Variants in ABCC9 observed in about 807,000 individuals in gnomAD.
ABCC9 encodes ATP-binding cassette sub-family C member 9.
A neutral mutation model predicts 188.3 loss-of-function variants in ABCC9; 95 were observed. The observed-to-expected ratio is 0.50, with a 90% CI of 0.43 to 0.60. The LOEUF (loss-of-function observed/expected upper bound fraction) is 0.60. ABCC9 is among the 20% of genes least tolerant of loss of function. The pLI is 0.00. For missense variants in ABCC9, 1,102 were observed against 1,876.3 expected (o/e 0.59, Z 7.62); for synonymous variants, 659 against 652.7 (o/e 1.01, Z -0.15).
At chr12:21,830,214 A>G (rs547648261) in intron 30 of ABCC9, among the ~76,000 whole-genome samples, 1 of 152,348 alleles carries the variant, frequency 6.6e-6, no homozygotes, top group East Asian at 1.9e-4. Flanking sequence ...TCTCAAAGAA[A>G]TTCATGTTAC....
At position 21,861,241 on chromosome 12, in the gene ABCC9, T is replaced by TA. The variant is rs111258434; in HGVS notation, c.2340-187_2340-186insT. On this transcript the variant is annotated intron_variant, in intron 20 of 39. Transcript: ENST00000261200. ...TACTACTTCCCCCCCCTTTTTTTTTTTTTTTTGAAGACAGAGTCTTACTCT... is the reference window on the plus strand; with the variant it reads ...TACTACTTCCCCCCCCTTTTTTTTTTATTTTTTGAAGACAGAGTCTTACTCT... Among the ~76,000 whole-genome samples, 290 of 150,734 alleles carry TA rather than the reference T, an allele frequency of 1.9e-3. 2 individuals carry two copies. The highest frequency in any genetic ancestry group is 6.7e-3 in the African/African-American group (277 of 41,046).
At chr12:21,874,233 G>A (rs1946224909) in intron 17 of ABCC9, among the ~76,000 whole-genome samples, 1 of 152,008 alleles carries the variant, frequency 6.6e-6, no homozygotes, top group South Asian at 2.1e-4. Context: ...AGTACAAATG[G>A]CCACCAGGTA....
At chr12:21,858,987 A>C (rs1424311415) in intron 22 of ABCC9, among the ~76,000 whole-genome samples, 8 of 152,200 alleles carry the variant, frequency 5.3e-5, no homozygotes, top group Admixed American at 5.2e-4. Flanking sequence ...ATAACCGTCA[A>C]ATTTTATTTC....
At chr12:21,910,388 A>ATC in intron 9 of ABCC9, 76 bp from the exon 10 acceptor site, 1 of 1,400,288 alleles carries the variant, frequency 7.1e-7, no homozygotes, top group Non-Finnish European at 9.7e-7. Context: ...ACTGAAAATA[A>ATC]ATAACAAACA....
At chr12:21,835,366 C>T (rs1026638014) in intron 30 of ABCC9, among the ~76,000 whole-genome samples, 2 of 152,182 alleles carry the variant, frequency 1.3e-5, no homozygotes, top group African/African-American at 4.8e-5. Flanking sequence ...AATGCAAACA[C>T]ACAAACAGTT....
chr12:21,811,181 A>ACTC (rs1942211296), intron 36 of ABCC9, among the ~76,000 whole-genome samples: 1 of 150,576 alleles, frequency 6.6e-6, no homozygotes, highest in Non-Finnish European at 1.5e-5. Flanking sequence ...TTCCCCCTTC[A>ACTC]CTCTCCCTCT....
chr12:21,895,923 GT>G (rs1947381282), intron 12 of ABCC9, among the ~76,000 whole-genome samples: 1 of 152,026 alleles, frequency 6.6e-6, no homozygotes, highest in South Asian at 2.1e-4. Context: ...AAATACTAGT[GT>G]TTGGAAGTAA....
chr12:21,810,002 A>T (rs1942119367), intron 36 of ABCC9, 47 bp from the exon 37 acceptor site: 1 of 1,147,916 alleles, frequency 8.7e-7, no homozygotes, highest in Non-Finnish European at 1.3e-6. Context: ...AAATATAGAA[A>T]CTTTTATGTA....
chr12:21,843,265 A>G (rs908523901), intron 28 of ABCC9, among the ~76,000 whole-genome samples: 7 of 152,194 alleles, frequency 4.6e-5, no homozygotes, highest in Non-Finnish European at 8.8e-5. Context: ...AATTATCCCA[A>G]TATCCTTTAT....
intron 5 of ABCC9, among the ~76,000 whole-genome samples, chr12:21,917,973 A>C (rs1948667516): frequency 6.6e-6 from 1 of 152,138 alleles, no homozygotes; most frequent in African/African-American, 2.4e-5. Flanking sequence ...GATCATTGGC[A>C]TATGAACTCA....
intron 5 of ABCC9, among the ~76,000 whole-genome samples, chr12:21,919,338 G>C (rs980123298): frequency 6.6e-6 from 1 of 151,706 alleles, no homozygotes; most frequent in Admixed American, 6.6e-5. Context: ...GAATGAAAGA[G>C]GCACTATCCC....
At position 21,845,767 on chromosome 12, in the gene ABCC9, G is replaced by T. The variant is rs376874273; in HGVS notation, c.2932C>A (p.Pro978Thr). The T allele has an allele frequency of 6.0e-5, 97 of 1,613,708 alleles. No homozygotes were observed. Among genetic ancestry groups the T allele is most frequent in the Non-Finnish European group, 7.6e-5 (90 of 1,179,844 alleles). Residue 978 changes from proline to threonine, a missense_variant, in exon 26 of 40, where the codon CCA (proline) becomes ACA (threonine). Physicochemically the swap from Pro to Thr is conservative, Grantham distance 38. This residue lies in a region of ABCC9 where 131 missense variants were observed against 170.2 expected (regional missense o/e 0.77). Transcript: ENST00000261200. ...AGGTAGCGCCAGCAGGTTTTCCATG[G>T]CATTTTAGTCCTGAGCCTCATTACA... ...STVMRLRTKM[P>T]WKTCWRYLTS...
chr12:21,805,874 G>T, intron 39 of ABCC9, 124 bp downstream of exon 39: 1 of 981,506 alleles, frequency 1.0e-6, no homozygotes, highest in Non-Finnish European at 1.6e-6. Flanking sequence ...TTTTTGCACA[G>T]ATACAGAAAC....
intron 36 of ABCC9, 90 bp downstream of exon 36, chr12:21,811,959 C>T (rs555481863): frequency 2.2e-6 from 2 of 901,514 alleles, no homozygotes; most frequent in East Asian, 2.4e-5. Flanking sequence ...TCAGTTCACT[C>T]ATACCTGAAA....
intron 22 of ABCC9, among the ~76,000 whole-genome samples, chr12:21,857,892 A>T (rs1307398655): frequency 2.0e-5 from 3 of 152,202 alleles, no homozygotes; most frequent in Non-Finnish European, 4.4e-5. Flanking sequence ...TGCATTGATT[A>T]AGTCACCAAT....
rs763346044 is a variant in ABCC9 at position 21,908,191 on chromosome 12, C to T, written c.1341G>A (p.Leu447=). The T allele has an allele frequency of 2.5e-6, 4 of 1,612,340 alleles. No homozygotes were observed. In the South Asian group the frequency reaches 3.3e-5, roughly 13 times the overall value. ...CACTTGATCCAAGTAAATTATAGAG[C>T]AGAATCACGCCCATTATGATCTAGA... The part of the protein sequence containing the change: ...MPVQIIMGVI[L]LYNLLGSSAL... The change falls in exon 11 of 40, where the codon CTG becomes CTA. Residue 447 remains leucine (L), a synonymous_variant. Transcript: ENST00000261200.
At chr12:21,841,342 GTTTCCTTTTTTTTTTTTT>G (rs1044702755) in intron 29 of ABCC9, among the ~76,000 whole-genome samples, 3 of 115,188 alleles carry the variant, frequency 2.6e-5, no homozygotes, top group African/African-American at 6.6e-5. Context: ...TATGTTTCTG[GTTTCCTTTTTTTTTTTTT>G]TTTTTTTTTT....
chr12:21,926,826 G>T (rs982652989), intron 4 of ABCC9, among the ~76,000 whole-genome samples: 5 of 152,192 alleles, frequency 3.3e-5, no homozygotes, highest in Non-Finnish European at 7.4e-5. Context: ...CACTCTGAAG[G>T]CAACAGAGAT....
intron 30 of ABCC9, among the ~76,000 whole-genome samples, chr12:21,829,292 C>T (rs886981342): frequency 6.8e-6 from 1 of 147,054 alleles, no homozygotes; most frequent in East Asian, 2.1e-4. Context: ...AGCTCCGCCT[C>T]CCGGGCTCAC....
Sources: allele counts gnomAD v4.1 joint callset (sites outside exome capture counted in the v4.1 genomes callset), GRCh38; gene constraint gnomAD v4.1.1; regional missense constraint gnomAD v4.1.1; transcripts MANE v1.5; gene names NCBI Gene and HGNC (gene_info 2026-07-23, HGNC 2026-07-21).